The following SLC9A9 variants were observed in gnomAD, a reference collection of about 807,000 sequenced individuals.
The protein encoded by SLC9A9 is sodium/hydrogen exchanger 9.
SLC9A9 carries 62 observed loss-of-function variants against 77.8 expected under a neutral mutation model. The ratio of observed to expected loss-of-function variants is 0.80; its 90% CI spans 0.65 to 0.98. SLC9A9 has a LOEUF of 0.98. Ranked by LOEUF, SLC9A9 falls within the 50% of genes least tolerant of loss-of-function variation. The pLI is 0.00. For synonymous variants in SLC9A9, 320 were observed against 283.5 expected (o/e 1.13, Z -1.29); for missense variants, 775 against 774.9 (o/e 1.00, Z 0.00).
intron 14 of SLC9A9, among the ~76,000 whole-genome samples, chr3:143,279,011 T>C (rs1401895064): frequency 6.6e-6 from 1 of 151,686 alleles, no homozygotes; most frequent in East Asian, 1.9e-4. Flanking sequence ...AGCACAGTTC[T>C]GGGCACATAA....
At chr3:143,631,643 T>TA (rs2038423865) in intron 6 of SLC9A9, among the ~76,000 whole-genome samples, 2 of 152,054 alleles carry the variant, frequency 1.3e-5, no homozygotes, top group African/African-American at 4.8e-5. Flanking sequence ...TAGCAAATGG[T>TA]CCCTAGGCTC....
intron 2 of SLC9A9, among the ~76,000 whole-genome samples, chr3:143,807,091 A>G (rs1267369149): frequency 6.6e-6 from 1 of 152,192 alleles, no homozygotes; most frequent in Non-Finnish European, 1.5e-5. Context: ...ACAGGAGATG[A>G]GTGGAGGAAA....
chr3:143,516,868 T>C (rs1404580456), intron 9 of SLC9A9, among the ~76,000 whole-genome samples: 3 of 152,196 alleles, frequency 2.0e-5, no homozygotes, highest in Non-Finnish European at 4.4e-5. Flanking sequence ...TAATTTTTCA[T>C]CTTCTTGGGT....
intron 6 of SLC9A9, among the ~76,000 whole-genome samples, chr3:143,624,525 T>C (rs574858315): frequency 6.6e-6 from 1 of 152,274 alleles, no homozygotes; most frequent in African/African-American, 2.4e-5. Context: ...CATATGATTA[T>C]CTCAATAGGT....
chr3:143,739,692 T>C (rs1382371495), intron 4 of SLC9A9, among the ~76,000 whole-genome samples: 3 of 152,244 alleles, frequency 2.0e-5, no homozygotes, highest in Non-Finnish European at 4.4e-5. Flanking sequence ...TGATATTTTC[T>C]ATAATAACAT....
intron 12 of SLC9A9, among the ~76,000 whole-genome samples, chr3:143,463,238 GTC>G (rs1158178188): frequency 6.6e-6 from 1 of 152,160 alleles, no homozygotes; most frequent in Non-Finnish European, 1.5e-5. Context: ...GAAGAGATGG[GTC>G]CTACATTCTC....
At chr3:143,608,764 C>T (rs1279509055) in intron 6 of SLC9A9, among the ~76,000 whole-genome samples, 1 of 152,020 alleles carries the variant, frequency 6.6e-6, no homozygotes, top group African/African-American at 2.4e-5. Flanking sequence ...GAAGGACCCA[C>T]ATTGAGGTTA....
chr3:143,752,686 T>G (rs919803436), intron 4 of SLC9A9, among the ~76,000 whole-genome samples: 3 of 152,074 alleles, frequency 2.0e-5, no homozygotes, highest in Non-Finnish European at 4.4e-5. Context: ...AAGGTTTTTT[T>G]TTTTTTTTTT....
chr3:143,449,820 TTACA>T (rs1175598264), intron 12 of SLC9A9, among the ~76,000 whole-genome samples: 2 of 40,272 alleles, frequency 5.0e-5, no homozygotes, highest in Non-Finnish European at 6.9e-5. Flanking sequence ...AATTATATAT[TTACA>T]TATATAATTA....
chr3:143,762,249 G>T (rs1481577026), intron 4 of SLC9A9, among the ~76,000 whole-genome samples: 1 of 152,276 alleles, frequency 6.6e-6, no homozygotes, highest in East Asian at 1.9e-4. Context: ...TAAATGACGA[G>T]TTAATGGGTG....
intron 14 of SLC9A9, among the ~76,000 whole-genome samples, chr3:143,349,010 G>A (rs1187407867): frequency 6.6e-6 from 1 of 152,184 alleles, no homozygotes; most frequent in Non-Finnish European, 1.5e-5. Flanking sequence ...AGATTCCCAA[G>A]AATCCCCTGA....
chr3:143,773,159 G>T lies in SLC9A9; in HGVS notation c.533+21842C>A, dbSNP rs997611603. 5.9e-5 allele frequency among the ~76,000 whole-genome samples: 9 copies of T among 152,246 alleles called. No homozygotes were observed. The South Asian group carries it at 1.9e-3, about 32-fold the overall frequency. ...AATCTTCACTGTAACTAGTGTTGTG[G>T]TGCTAAACGTTTAATAAGTGGCTTT... On this transcript the variant is annotated intron_variant, in intron 4 of 15. Transcript: ENST00000316549.
chr3:143,832,320 A>G, intron 1 of SLC9A9, 99 bp from the exon 2 acceptor site: 2 of 1,062,638 alleles, frequency 1.9e-6, no homozygotes, highest in Non-Finnish European at 2.8e-6. Flanking sequence ...GTGACAGGAT[A>G]AAGTGTTGGG....
chr3:143,366,061 G>A (rs952742118), intron 13 of SLC9A9, among the ~76,000 whole-genome samples: 1 of 152,204 alleles, frequency 6.6e-6, no homozygotes, highest in Admixed American at 6.5e-5. Flanking sequence ...AAAGGAATGA[G>A]AGCAAATTCC....
intron 4 of SLC9A9, among the ~76,000 whole-genome samples, chr3:143,714,778 T>C (rs999543557): frequency 6.6e-6 from 1 of 152,004 alleles, no homozygotes; most frequent in Non-Finnish European, 1.5e-5. Flanking sequence ...TCAATGGAGG[T>C]GAAGGGGCAC....
chr3:143,575,895 A>G (rs562057560), intron 7 of SLC9A9, among the ~76,000 whole-genome samples: 12 of 152,188 alleles, frequency 7.9e-5, no homozygotes, highest in Admixed American at 4.6e-4. Flanking sequence ...TATCTCCTTC[A>G]TAGCCTGTGT....
intron 4 of SLC9A9, among the ~76,000 whole-genome samples, chr3:143,694,718 A>G (rs1185232606): frequency 1.3e-5 from 2 of 152,194 alleles, no homozygotes; most frequent in Non-Finnish European, 2.9e-5. Flanking sequence ...TTGGCTTTTA[A>G]CCATCACACT....
chr3:143,813,481 C>T (rs2008923120), intron 2 of SLC9A9, among the ~76,000 whole-genome samples: 1 of 152,138 alleles, frequency 6.6e-6, no homozygotes, highest in Non-Finnish European at 1.5e-5. Flanking sequence ...TACCTCTCAG[C>T]CTCCTCCTCT....
chr3:143,498,448 T>C (rs2035875158), intron 9 of SLC9A9, among the ~76,000 whole-genome samples: 1 of 151,972 alleles, frequency 6.6e-6, no homozygotes, highest in African/African-American at 2.4e-5. Flanking sequence ...CAGCTACTTG[T>C]GAGGCTGAGT....
Sources: gnomAD v4.1 joint callset for allele counts (sites outside exome capture counted in the v4.1 genomes callset) on GRCh38, gnomAD v4.1.1 for gene constraint, MANE v1.5 for transcripts, NCBI Gene and HGNC (gene_info 2026-07-23, HGNC 2026-07-21) for gene names.